FAM177B: variants seen among roughly 807,000 people sequenced by gnomAD.
The protein encoded by FAM177B is protein FAM177B.
FAM177B carries 16 observed loss-of-function variants against 16.1 expected under a neutral mutation model. That is an observed-to-expected ratio of 0.99 (90% CI 0.67 to 1.51). FAM177B has a LOEUF of 1.51. Ranked by LOEUF, FAM177B falls within the 40% of genes most tolerant of loss-of-function variation. The pLI, the probability that FAM177B is intolerant of heterozygous loss-of-function variation, is 0.00. For synonymous variants in FAM177B, 56 were observed against 59.9 expected, an observed-to-expected ratio of 0.93 and a Z score of 0.30; for missense variants, 178 against 183.7, an observed-to-expected ratio of 0.97 and a Z score of 0.18.
intron 2 of FAM177B, among the ~76,000 whole-genome samples, chr1:222,745,610 C>T (rs1274072204): frequency 2.7e-5 from 4 of 150,580 alleles, no homozygotes; most frequent in Non-Finnish European, 5.9e-5. Context: ...GAGAAAGACT[C>T]TGTCTCTGCA....
At chr1:222,746,904 A>G in intron 3 of FAM177B, 111 bp from the exon 4 acceptor site, 1 of 942,464 alleles carries the variant, frequency 1.1e-6, no homozygotes. Context: ...CATCTGTGAG[A>G]GAGAAAATGG....
intron 2 of FAM177B, among the ~76,000 whole-genome samples, chr1:222,744,208 C>T (rs1349062382): frequency 3.9e-5 from 6 of 152,150 alleles, no homozygotes; most frequent in African/African-American, 7.2e-5. Flanking sequence ...TGGTGGCTCA[C>T]GCCTGTAATC....
At position 222,747,086 on chromosome 1, in the gene FAM177B, G is replaced by C. The variant is rs565491130; in HGVS notation, c.241+5G>C. The C allele has an allele frequency of 1.9e-6, 3 of 1,589,978 alleles. No homozygotes were observed. In the Admixed American group the frequency reaches 5.0e-5, roughly 27 times the overall value. On this transcript the variant is annotated splice_donor_5th_base_variant and intron_variant, in intron 4 of 5. Coordinates refer to ENST00000445590, the MANE Select transcript of FAM177B (RefSeq NM_001394345.1). ...TAGCAAGCACCTCATTTTCTAGTAA[G>C]TACTGCTAAGGTTATTTTTTTCTAT...
Position 222,741,488 on chromosome 1 carries a change from A to G in FAM177B, c.-16+3467A>G, listed in dbSNP as rs1658528468. Among the ~76,000 whole-genome samples, 4 of 151,596 alleles carry G rather than the reference A, an allele frequency of 2.6e-5. No individual in the cohort carries two copies. The Middle Eastern group carries it at 0.01, about 395-fold the overall frequency. On this transcript the variant is annotated intron_variant, in intron 2 of 5. Transcript: ENST00000445590. ...CAGTTTTTGTAGGTCTGAATATATC[A>G]TTACATTACTCCCACTTATTGTTTA...
chr1:222,740,185 A>G (rs1435094633), intron 2 of FAM177B, among the ~76,000 whole-genome samples: 1 of 152,212 alleles, frequency 6.6e-6, no homozygotes, highest in Non-Finnish European at 1.5e-5. Context: ...TGACAAAGGC[A>G]TTAAACTCAG....
At chr1:222,740,844 C>T (rs1435596161) in intron 2 of FAM177B, among the ~76,000 whole-genome samples, 1 of 151,848 alleles carries the variant, frequency 6.6e-6, no homozygotes, top group Non-Finnish European at 1.5e-5. Flanking sequence ...GGACTACAGG[C>T]GCCCACCACT....
In FAM177B at chr1:222,750,154, C is replaced by T; in HGVS notation, c.*96C>T. 4 of 1,533,750 alleles carry T rather than the reference C, an allele frequency of 2.6e-6. No individual in the cohort carries two copies. The highest frequency in any genetic ancestry group is 3.5e-6 in the Non-Finnish European group (4 of 1,145,976). ...GGATCTGTTCCTTGGCCATTGATTA[C>T]CATGGCAACAACACCAGAGGTAGCA... is the stretch of plus-strand genomic sequence containing the variant. On this transcript the variant is annotated 3_prime_UTR_variant, in exon 6 of 6. Transcript: ENST00000445590.
chr1:222,748,867 C>T, intron 4 of FAM177B: 2 of 352,448 alleles, frequency 5.7e-6, no homozygotes, highest in South Asian at 2.4e-5. Flanking sequence ...GTCGGAAATC[C>T]TCTAATTGTA....
chr1:222,748,484 G>A (rs532133593), intron 4 of FAM177B, among the ~76,000 whole-genome samples: 2 of 152,252 alleles, frequency 1.3e-5, no homozygotes, highest in Admixed American at 1.3e-4. Flanking sequence ...GCTCCTGACT[G>A]GGGCTTCAAG....
chr1:222,742,406 T>G (rs1225192085), intron 2 of FAM177B: 1 of 152,220 alleles, frequency 6.6e-6, no homozygotes, highest in Non-Finnish European at 1.5e-5. Context: ...TTAAAATTGA[T>G]GTACATTGAG....
chr1:222,746,864 A>C, intron 3 of FAM177B, 145 bp downstream of exon 3: 1 of 890,178 alleles, frequency 1.1e-6, no homozygotes, highest in Non-Finnish European at 1.7e-6. Flanking sequence ...ATGCATAGGC[A>C]ACTTACAATT....
At chr1:222,743,190 C>T (rs1658628511) in intron 2 of FAM177B, among the ~76,000 whole-genome samples, 1 of 152,164 alleles carries the variant, frequency 6.6e-6, no homozygotes, top group South Asian at 2.1e-4. Context: ...CTCTGCCGCC[C>T]AGGCTGGAGT....
At chr1:222,740,314 G>A (rs1017332328) in intron 2 of FAM177B, among the ~76,000 whole-genome samples, 9 of 151,944 alleles carry the variant, frequency 5.9e-5, no homozygotes, top group Non-Finnish European at 8.8e-5. Flanking sequence ...TTTAAAATTC[G>A]ATCTTCTAGT....
chr1:222,742,446 T>C (rs765905522), intron 2 of FAM177B: 2 of 131,274 alleles, frequency 1.5e-5, no homozygotes, highest in African/African-American at 2.5e-5. Context: ...TAAACATAAA[T>C]TGTATTTCCT....
intron 2 of FAM177B, among the ~76,000 whole-genome samples, chr1:222,743,797 G>A (rs889256312): frequency 6.6e-6 from 1 of 151,964 alleles, no homozygotes; most frequent in Non-Finnish European, 1.5e-5. Flanking sequence ...TATGCAGGTG[G>A]CTTCATTTCA....
intron 4 of FAM177B, chr1:222,748,923 T>A (rs1421047236): frequency 2.4e-6 from 1 of 415,604 alleles, no homozygotes; most frequent in Admixed American, 3.4e-5. Context: ...CACTCATTAT[T>A]CATGCTATGC....
chr1:222,740,942 G>A (rs1658494818), intron 2 of FAM177B, among the ~76,000 whole-genome samples: 1 of 151,954 alleles, frequency 6.6e-6, no homozygotes, highest in South Asian at 2.1e-4. Context: ...CTCGCGATCT[G>A]CCCGTCTCAG....
intron 2 of FAM177B, among the ~76,000 whole-genome samples, chr1:222,740,241 A>G (rs1658461216): frequency 6.6e-6 from 1 of 152,226 alleles, no homozygotes; most frequent in South Asian, 2.1e-4. Flanking sequence ...ATATATAAGC[A>G]TATGCATATA....
chr1:222,750,626 C>A lies in FAM177B; in HGVS notation c.*568C>A. 2.8e-6 allele frequency: 2 copies of A among 710,616 alleles called. No homozygotes were observed. Among genetic ancestry groups the A allele is most frequent in the Non-Finnish European group, 3.5e-6 (2 of 579,648 alleles). The allele number at this position is 710,616 out of a possible 1,614,324, so 44.0% of individuals were successfully genotyped here. On this transcript the variant is annotated 3_prime_UTR_variant, in exon 6 of 6. Transcript: ENST00000445590. ...TCTTTAAGAATTAGGTACATCCCTC[C>A]AAATTAAAACAATTGATAAATAATA... is the stretch of plus-strand genomic sequence containing the variant.
Sources: allele counts gnomAD v4.1 joint callset (sites outside exome capture counted in the v4.1 genomes callset), GRCh38; gene constraint gnomAD v4.1.1; transcripts MANE v1.5; gene names NCBI Gene and HGNC (gene_info 2026-07-23, HGNC 2026-07-21).